PFKM: variants seen among roughly 807,000 people sequenced by gnomAD.
PFKM encodes the protein ATP-dependent 6-phosphofructokinase, muscle type.
In PFKM, 58 loss-of-function variants were observed where a neutral mutation model predicts 95.5. That is an observed-to-expected ratio of 0.61 (90% CI 0.49 to 0.76). The LOEUF is 0.76. PFKM is among the 30% of genes least tolerant of loss of function. The probability of loss-of-function intolerance (pLI) is 0.00; values close to 1 mark genes in which losing one functional copy is unlikely to be tolerated. For missense variants in PFKM, 678 were observed against 1,005.4 expected (o/e 0.67, Z 4.40); for synonymous variants, 336 against 357.2 (o/e 0.94, Z 0.67).
Position 48,108,297 on chromosome 12 carries a change from A to G in PFKM, c.205+103A>G, listed in dbSNP as rs1946886437. 5 of 1,016,160 alleles carry G rather than the reference A, an allele frequency of 4.9e-6. No individual in the cohort carries two copies. In the South Asian group the frequency reaches 1.1e-4, roughly 21 times the overall value. 62.9% of individuals were successfully genotyped at this position (1,016,160 alleles called of 1,614,324 possible). On this transcript the variant is annotated intron_variant, in intron 3 of 24. Transcript: ENST00000340802. ...TCAGCGTAGACCTACTAAAGCTGAA[A>G]TATAAGACCCAAGGGGGAAAGTCTG... is the stretch of plus-strand genomic sequence containing the variant.
Position 48,144,070 on chromosome 12 carries a change from T to C in PFKM, c.1905T>C (p.Tyr635=). The part of the protein sequence containing the change: ...VLRNEKCNEN[Y]TTDFIFNLYS... The stretch of plus-strand genomic sequence containing the variant: ...GGAATGAAAAGTGCAATGAGAACTA[T>C]ACCACTGACTTCATTTTCAACCTGT... Residue 635 remains tyrosine (Y), a synonymous_variant, in exon 20 of 23, where the codon TAT becomes TAC. Coordinates refer to ENST00000359794, the MANE Select transcript of PFKM (RefSeq NM_000289.6). The C allele has an allele frequency of 1.9e-6, 3 of 1,613,472 alleles. No individual in the cohort carries two copies. Among genetic ancestry groups the C allele is most frequent in the Non-Finnish European group, 2.5e-6 (3 of 1,179,376 alleles).
chr12:48,118,843 A>G (rs1295287021), upstream of PFKM, among the ~76,000 whole-genome samples: 1 of 152,010 alleles, frequency 6.6e-6, no homozygotes, highest in Non-Finnish European at 1.5e-5. Context: ...GCTATTCTAT[A>G]GAAGATGTCA....
At chr12:48,132,763 C>G (rs1321252933) in intron 4 of PFKM, 105 bp from the exon 5 acceptor site, 1 of 983,252 alleles carries the variant, frequency 1.0e-6, no homozygotes, top group African/African-American at 1.6e-5. Context: ...AAGGAACTTT[C>G]TAGGGAGTCA....
intron 3 of PFKM, among the ~76,000 whole-genome samples, chr12:48,109,121 C>T (rs184178666): frequency 1.4e-3 from 214 of 152,112 alleles, no homozygotes; most frequent in South Asian, 3.7e-3. Context: ...TGATTAAGGA[C>T]GGGAGATAAT....
chr12:48,124,796 A>G (rs58540891), intron 2 of PFKM, among the ~76,000 whole-genome samples: 28,437 of 151,998 alleles, frequency 0.19, 3,212 homozygotes, highest in African/African-American at 0.32. Flanking sequence ...CTGAAATTCT[A>G]TGGAGGCAAG....
intron 3 of PFKM, among the ~76,000 whole-genome samples, chr12:48,112,719 T>C (rs1169472110): frequency 6.6e-6 from 1 of 152,202 alleles, no homozygotes; most frequent in African/African-American, 2.4e-5. Flanking sequence ...ATTTGGTTGA[T>C]AAGGCGCAGA....
intron 1 of PFKM, among the ~76,000 whole-genome samples, chr12:48,107,140 C>T (rs906100788): frequency 6.6e-6 from 1 of 152,140 alleles, no homozygotes; most frequent in Non-Finnish European, 1.5e-5. Context: ...TTTCTGGAGG[C>T]CCCCAGCCTT....
chr12:48,122,750 A>G lies in PFKM; in HGVS notation c.-8-17A>G, dbSNP rs1424772639. On this transcript the variant is annotated splice_polypyrimidine_tract_variant and intron_variant, in intron 1 of 22. Transcript: ENST00000359794. ...GATTCCTGCTGTGTCTTAACTGACC[A>G]TTGTCTTAAATTCTAGAGTGGATCA... 1.9e-6 allele frequency: 3 copies of G among 1,613,662 alleles called. No homozygotes were observed. Among genetic ancestry groups the G allele is most frequent in the African/African-American group, 2.7e-5 (2 of 74,898 alleles).
chr12:48,141,010 T>A, intron 14 of PFKM, 139 bp downstream of exon 14: 1 of 859,450 alleles, frequency 1.2e-6, no homozygotes, highest in Non-Finnish European at 1.8e-6. Flanking sequence ...AGTAGATATT[T>A]AATACTAGGG....
At chr12:48,106,954 G>T (rs2061439558) in intron 1 of PFKM, among the ~76,000 whole-genome samples, 1 of 152,220 alleles carries the variant, frequency 6.6e-6, no homozygotes, top group Non-Finnish European at 1.5e-5. Context: ...CTTTCTAAGA[G>T]AACATAATGG....
chr12:48,133,971 T>C (rs1949792606), intron 6 of PFKM, among the ~76,000 whole-genome samples: 1 of 152,116 alleles, frequency 6.6e-6, no homozygotes, highest in Non-Finnish European at 1.5e-5. Flanking sequence ...ATCCTTTCCT[T>C]TCCTTCCCTT....
chr12:48,146,002 CTTTA>C lies in PFKM; in HGVS notation c.*302_*305del, dbSNP rs1054582893. The C allele has an allele frequency of 1.0e-4, 41 of 403,514 alleles. No individual in the cohort carries two copies. The highest frequency in any genetic ancestry group is 7.6e-4 in the African/African-American group (38 of 50,042). The allele number at this position is 403,514 out of a possible 1,614,324, so 25.0% of individuals were successfully genotyped here. The stretch of plus-strand genomic sequence containing the variant: ...CAGTTAGAATTTTCCTAAAAATAAG[CTTTA>C]TTTATTTCTTTGTGATAACAAAGAG... On this transcript the variant is annotated 3_prime_UTR_variant, in exon 23 of 23. Transcript: ENST00000359794.
intron 2 of PFKM, among the ~76,000 whole-genome samples, chr12:48,127,242 C>CG (rs1948954486): frequency 6.6e-6 from 1 of 152,106 alleles, no homozygotes; most frequent in Non-Finnish European, 1.5e-5. Context: ...ATGGAACCCC[C>CG]CTTCCCCTTC....
rs1387432855 is a variant in PFKM, at chr12:48,145,997, A to G, written c.*289A>G. ...TTACTCAGTTAGAATTTTCCTAAAA[A>G]TAAGCTTTATTTATTTCTTTGTGAT... On this transcript the variant is annotated 3_prime_UTR_variant, in exon 23 of 23. Coordinates refer to ENST00000359794, the MANE Select transcript of PFKM (RefSeq NM_000289.6). This position sits in a 1 kb window ranked among gnomAD's most constrained non-coding sequence, Gnocchi z 4.3. The G allele has an allele frequency of 2.4e-6, 1 of 413,018 alleles. No individual in the cohort carries two copies. The highest frequency in any genetic ancestry group is 4.5e-5 in the East Asian group (1 of 22,394). The allele number at this position is 413,018 out of a possible 1,614,324, so 25.6% of individuals were successfully genotyped here.
chr12:48,141,719 C>T (rs747096927), intron 15 of PFKM, 21 bp from the exon 16 acceptor site: 2 of 1,563,750 alleles, frequency 1.3e-6, no homozygotes, highest in South Asian at 2.2e-5. Flanking sequence ...CTTCCCCTCC[C>T]CGCCATCACT....
intron 6 of PFKM, among the ~76,000 whole-genome samples, chr12:48,133,955 C>T (rs1049580429): frequency 1.2e-4 from 18 of 152,156 alleles, no homozygotes; most frequent in African/African-American, 4.3e-4. Flanking sequence ...TCTCCCTTCA[C>T]TTCTTATCCT....
At chr12:48,131,591 G>A (rs1949493709) in intron 4 of PFKM, 198 bp downstream of exon 4, 1 of 636,000 alleles carries the variant, frequency 1.6e-6, no homozygotes, top group Non-Finnish European at 2.8e-6. Flanking sequence ...GGGAGAGGGT[G>A]GAGGAGTGAT....
chr12:48,115,892 A>G (rs541146094), upstream of PFKM, among the ~76,000 whole-genome samples: 2 of 152,274 alleles, frequency 1.3e-5, no homozygotes, highest in Admixed American at 1.3e-4. Flanking sequence ...TAATGTTGCT[A>G]TGAACATTGG....
chr12:48,113,291 G>A lies in PFKM; in HGVS notation c.205+5097G>A, dbSNP rs574992291. ...AGGTAATGTGGAGTGGGTAGCCTCC[G>A]TATTGATTAAGAAGGGGACGGACTT... On this transcript the variant is annotated intron_variant, in intron 3 of 24. Coordinates refer to the PFKM transcript ENST00000340802. 4.6e-5 allele frequency among the ~76,000 whole-genome samples: 7 copies of A among 152,246 alleles called. No homozygotes were observed. In the East Asian group the frequency reaches 5.8e-4, roughly 13 times the overall value.
Sources: gnomAD v4.1 joint callset for allele counts (sites outside exome capture counted in the v4.1 genomes callset) on GRCh38, gnomAD v4.1.1 for gene constraint, Gnocchi (gnomAD v3.1) non-coding constraint, MANE v1.5 for transcripts, NCBI Gene and HGNC (gene_info 2026-07-23, HGNC 2026-07-21) for gene names.